The following MPPED2 variants were observed in gnomAD, a reference collection of about 807,000 sequenced individuals.
MPPED2 encodes the protein metallophosphoesterase domain containing 2.
A neutral mutation model predicts 33.0 loss-of-function variants in MPPED2; 5 were observed. That is an observed-to-expected ratio of 0.15 (90% CI 0.08 to 0.32). The LOEUF (loss-of-function observed/expected upper bound fraction) is 0.32, where lower values mean the gene tolerates loss of function less well. Among genes scored for constraint, MPPED2 ranks in the 10% least tolerant of loss-of-function variants. The pLI is 1.00. For missense variants in MPPED2, 275 were observed against 372.1 expected, an observed-to-expected ratio of 0.74 and a Z score of 2.15; for synonymous variants, 136 against 141.9, an observed-to-expected ratio of 0.96 and a Z score of 0.29.
At chr11:30,460,039 A>C (rs1026214052) in intron 4 of MPPED2, among the ~76,000 whole-genome samples, 4 of 152,188 alleles carry the variant, frequency 2.6e-5, no homozygotes, top group African/African-American at 9.7e-5. Flanking sequence ...CTTGGCCGTT[A>C]CAAAGGCACA....
At chr11:30,540,142 T>C (rs948575558) in intron 2 of MPPED2, among the ~76,000 whole-genome samples, 3 of 152,202 alleles carry the variant, frequency 2.0e-5, no homozygotes, top group African/African-American at 7.2e-5. Flanking sequence ...CTTCCTTGAT[T>C]TCTTTAAGCT....
chr11:30,469,298 G>A (rs1460312183), intron 4 of MPPED2, among the ~76,000 whole-genome samples: 2 of 151,990 alleles, frequency 1.3e-5, no homozygotes, highest in East Asian at 1.9e-4. Context: ...AATATCAAAA[G>A]TAGTATTGAA....
chr11:30,549,355 T>G (rs1335117434), intron 2 of MPPED2, among the ~76,000 whole-genome samples: 2 of 152,180 alleles, frequency 1.3e-5, no homozygotes, highest in Admixed American at 1.3e-4. Flanking sequence ...AGAATAAACT[T>G]CAGATAATTC....
At chr11:30,488,367 A>G (rs1951831054) in intron 4 of MPPED2, among the ~76,000 whole-genome samples, 1 of 152,340 alleles carries the variant, frequency 6.6e-6, no homozygotes, top group East Asian at 1.9e-4. Context: ...AATTATGCCA[A>G]CGGTTGCTAT....
chr11:30,554,455 A>C (rs1955870795), intron 2 of MPPED2, among the ~76,000 whole-genome samples: 1 of 152,120 alleles, frequency 6.6e-6, no homozygotes, highest in African/African-American at 2.4e-5. Flanking sequence ...AAACTCCAAA[A>C]TATCCATTAG....
chr11:30,537,735 A>T (rs1168546460), intron 2 of MPPED2, among the ~76,000 whole-genome samples: 1 of 152,200 alleles, frequency 6.6e-6, no homozygotes, highest in Non-Finnish European at 1.5e-5. Flanking sequence ...GGAAGCCCAA[A>T]AAGAAAGTTT....
At chr11:30,459,518 T>TC (rs1950434218) in intron 4 of MPPED2, among the ~76,000 whole-genome samples, 1 of 152,192 alleles carries the variant, frequency 6.6e-6, no homozygotes, top group African/African-American at 2.4e-5. Flanking sequence ...CTACAAATGT[T>TC]CAAGACTTCA....
At chr11:30,583,404 T>C (rs1957287707) in intron 1 of MPPED2, among the ~76,000 whole-genome samples, 3 of 152,158 alleles carry the variant, frequency 2.0e-5, no homozygotes, top group Non-Finnish European at 2.9e-5. Flanking sequence ...TAAATTTTCA[T>C]TTTATACTTC....
chr11:30,565,059 G>GA (rs1483865404), intron 2 of MPPED2, among the ~76,000 whole-genome samples: 4 of 152,040 alleles, frequency 2.6e-5, no homozygotes, highest in Non-Finnish European at 4.4e-5. Flanking sequence ...GCACCAAAAA[G>GA]AAAAAAATGG....
At chr11:30,514,317 C>G (rs537054650) in intron 3 of MPPED2, among the ~76,000 whole-genome samples, 1 of 152,312 alleles carries the variant, frequency 6.6e-6, no homozygotes, top group Non-Finnish European at 1.5e-5. Flanking sequence ...AAGAGACATA[C>G]TGGAAGGAAT....
chr11:30,410,595 G>C lies in MPPED2; in HGVS notation c.*873C>G. The C allele has an allele frequency of 1.0e-6, 1 of 985,778 alleles. No individual in the cohort carries two copies. Among genetic ancestry groups the C allele is most frequent in the Non-Finnish European group, 1.2e-6 (1 of 829,942 alleles). 61.1% of individuals were successfully genotyped at this position (985,778 alleles called of 1,614,324 possible). A position where few individuals can be genotyped will look rare whatever the true frequency, so the allele number is the denominator to read the frequency against. ...AGCTCTTTAAGACCTTGAGCTCTGA[G>C]AGAATGTGTCAGTTCCTTCCGACTT... On this transcript the variant is annotated 3_prime_UTR_variant, in exon 7 of 7. Transcript: ENST00000358117.
chr11:30,487,424 G>T (rs987972971), intron 4 of MPPED2, among the ~76,000 whole-genome samples: 4 of 152,206 alleles, frequency 2.6e-5, no homozygotes, highest in African/African-American at 7.2e-5. Flanking sequence ...TGTGGAGGAA[G>T]TTGCCTCTGT....
chr11:30,566,556 T>A (rs912874276), intron 2 of MPPED2, among the ~76,000 whole-genome samples: 5 of 152,192 alleles, frequency 3.3e-5, no homozygotes, highest in Non-Finnish European at 7.3e-5. Flanking sequence ...CAAGTCTACA[T>A]ACATGCTCTC....
chr11:30,460,160 G>A (rs1195915748), intron 4 of MPPED2, among the ~76,000 whole-genome samples: 1 of 152,222 alleles, frequency 6.6e-6, no homozygotes, highest in Non-Finnish European at 1.5e-5. Flanking sequence ...TTTAAATCCA[G>A]AGGGTCCTGT....
chr11:30,558,579 CTT>C (rs761109130), intron 2 of MPPED2, among the ~76,000 whole-genome samples: 13 of 141,038 alleles, frequency 9.2e-5, no homozygotes, highest in Admixed American at 2.1e-4. Flanking sequence ...CCACACTCAG[CTT>C]TTTTTTTTTT....
rs185109676 is a variant in MPPED2 at position 30,501,005 on chromosome 11, C to T, written c.311-5484G>A. Among the ~76,000 whole-genome samples the T allele has an allele frequency of 5.7e-4, 87 of 152,258 alleles. 1 individual carries two copies. Among genetic ancestry groups the T allele is most frequent in the African/African-American group, 1.9e-3 (80 of 41,546 alleles). Reference sequence around the variant, plus strand: ...CCTTCTCCCCAACATCCAGTCTAGCCGACTAATCTCCAACTCTTTTTAAAC... The same window carrying T: ...CCTTCTCCCCAACATCCAGTCTAGCTGACTAATCTCCAACTCTTTTTAAAC... On this transcript the variant is annotated intron_variant, in intron 3 of 6. Transcript: ENST00000358117.
chr11:30,572,696 GCCA>G (rs1956756754), intron 2 of MPPED2, among the ~76,000 whole-genome samples: 1 of 152,126 alleles, frequency 6.6e-6, no homozygotes, highest in Non-Finnish European at 1.5e-5. Flanking sequence ...GTTAGTAAGT[GCCA>G]TTTTACAGAG....
At chr11:30,569,067 G>A (rs879782248) in intron 2 of MPPED2, among the ~76,000 whole-genome samples, 15 of 152,090 alleles carry the variant, frequency 9.9e-5, no homozygotes, top group Non-Finnish European at 1.9e-4. Context: ...GAGCAGTAAA[G>A]GTCCCAGTTT....
chr11:30,401,526 A>T (rs1947908118), intron 6 of MPPED2, among the ~76,000 whole-genome samples: 1 of 152,250 alleles, frequency 6.6e-6, no homozygotes, highest in African/African-American at 2.4e-5. Flanking sequence ...TCTGAGCCTC[A>T]TCCCTAGAAT....
Sources: gnomAD v4.1 joint callset for allele counts (sites outside exome capture counted in the v4.1 genomes callset) on GRCh38, gnomAD v4.1.1 for gene constraint, MANE v1.5 for transcripts, NCBI Gene and HGNC (gene_info 2026-07-23, HGNC 2026-07-21) for gene names.